The following NBPF11 variants were observed in gnomAD, a reference collection of about 807,000 sequenced individuals.
The protein encoded by NBPF11 is NBPF family member NBPF11.
NBPF11 carries 72 observed loss-of-function variants against 93.9 expected under a neutral mutation model. That is an observed-to-expected ratio of 0.77 (90% CI 0.63 to 0.93). The LOEUF (loss-of-function observed/expected upper bound fraction) is 0.93, where lower values mean the gene tolerates loss of function less well. Among genes scored for constraint, NBPF11 ranks in the 40% least tolerant of loss-of-function variants. The probability of loss-of-function intolerance (pLI) is 0.00; values close to 1 mark genes in which losing one functional copy is unlikely to be tolerated. For synonymous variants in NBPF11, 224 were observed against 304.9 expected, an observed-to-expected ratio of 0.73 and a Z score of 2.76; for missense variants, 705 against 802.2, an observed-to-expected ratio of 0.88 and a Z score of 1.46.
At chr1:148,103,937 A>G in intron 23 of NBPF11, 25 bp from the exon 24 acceptor site, 1 of 1,610,622 alleles carries the variant, frequency 6.2e-7, no homozygotes, top group Non-Finnish European at 8.5e-7. Flanking sequence ...AAAACTAAAG[A>G]AGCAGCCAGG....
rs1666177688 is a variant in NBPF11, at chr1:148,115,162, C to CGCAAAAA, written c.1585+630_1585+631insTTTTTGC. On this transcript the variant is annotated intron_variant, in intron 14 of 23. Coordinates refer to ENST00000682118, the MANE Select transcript of NBPF11 (RefSeq NM_001385469.3). ...CCTAGGTGACAGAGCAGGACTCCAT[C>CGCAAAAA]ACAAAAAAAAAAAAAAAAAAAAAAA... Among the ~76,000 whole-genome samples the CGCAAAAA allele has an allele frequency of 1.5e-3, 23 of 15,178 alleles. 4 individuals are homozygous for CGCAAAAA. Among genetic ancestry groups the CGCAAAAA allele is most frequent in the Non-Finnish European group, 1.5e-3 (16 of 10,554 alleles). The allele number at this position is 15,178 out of a possible 152,430, so 10.0% of individuals were successfully genotyped here.
Position 148,115,100 on chromosome 1 carries a change from G to A in NBPF11, c.1586-612C>T, listed in dbSNP as rs1392122398. Among the ~76,000 whole-genome samples the A allele has an allele frequency of 2.0e-4, 23 of 115,372 alleles. No individual in the cohort carries two copies. In the East Asian group the frequency reaches 2.3e-3, roughly 12 times the overall value. The allele number at this position is 115,372 out of a possible 152,430, so 75.7% of individuals were successfully genotyped here. A position where few individuals can be genotyped will look rare whatever the true frequency, so the allele number is the denominator to read the frequency against. On this transcript the variant is annotated intron_variant, in intron 14 of 23. Transcript: ENST00000682118. Reference sequence around the variant, plus strand: ...GAATCACTTGAATCTGGGAGGCAGAGGTTGCACCAAGTCAAGATGGTGCCA... The same window carrying A: ...GAATCACTTGAATCTGGGAGGCAGAAGTTGCACCAAGTCAAGATGGTGCCA...
At chr1:148,142,465 C>T in intron 2 of NBPF11, among the ~76,000 whole-genome samples, 1 of 150,994 alleles carries the variant, frequency 6.6e-6, no homozygotes, top group Non-Finnish European at 1.5e-5. Flanking sequence ...CGCAACCTTC[C>T]CTGCTGCTCC....
At chr1:148,126,349 A>G (rs1669110603) in intron 5 of NBPF11, among the ~76,000 whole-genome samples, 1 of 151,576 alleles carries the variant, frequency 6.6e-6, no homozygotes, top group South Asian at 2.1e-4. Context: ...AGGTTCTATT[A>G]GGAGCAGACT....
In NBPF11 at chr1:148,121,036, C is replaced by G. The variant is rs3992670; in HGVS notation, c.779-326G>C. ...TTTCATTTTGCTTTTTAAATTTTTT[C>G]CTTTTTTGGTTTTTTGTTTTCTGTT... On this transcript the variant is annotated intron_variant, in intron 9 of 23. Transcript: ENST00000682118. 5.3e-5 allele frequency among the ~76,000 whole-genome samples: 8 copies of G among 151,772 alleles called. No individual in the cohort carries two copies. The South Asian group carries it at 6.2e-4, about 12-fold the overall frequency.
At chr1:148,123,517 G>A (rs1668389265) in intron 7 of NBPF11, among the ~76,000 whole-genome samples, 1 of 151,834 alleles carries the variant, frequency 6.6e-6, no homozygotes, top group South Asian at 2.1e-4. Context: ...CAAAAAGACA[G>A]CCTGGGAACC....
At chr1:148,150,614 A>T (rs1204238373) in intron 1 of NBPF11, among the ~76,000 whole-genome samples, 1 of 151,848 alleles carries the variant, frequency 6.6e-6, no homozygotes, top group Non-Finnish European at 1.5e-5. Context: ...AAGATTAAAA[A>T]CCACCAGCAC....
At position 148,134,070 on chromosome 1, in the gene NBPF11, A is replaced by C. The variant is rs3992710; in HGVS notation, c.-36+1602T>G. ...GACAGCAGGGAGGGCAAATCCATGC[A>C]GCATCTCCCGCCATGACCTCCAGCC... On this transcript the variant is annotated intron_variant, in intron 4 of 23. Coordinates refer to ENST00000682118, the MANE Select transcript of NBPF11 (RefSeq NM_001385469.3). Among the ~76,000 whole-genome samples the C allele has an allele frequency of 3.1e-3, 477 of 152,132 alleles. 4 individuals are homozygous for C. The highest frequency in any genetic ancestry group is 0.011 in the African/African-American group (446 of 41,392).
intron 10 of NBPF11, among the ~76,000 whole-genome samples, chr1:148,119,416 C>T (rs1307013922): frequency 6.6e-6 from 1 of 151,954 alleles, no homozygotes; most frequent in Non-Finnish European, 1.5e-5. Flanking sequence ...CAGCAATTTA[C>T]AGAGGTAGGT....
At chr1:148,136,411 T>C (rs1671293727) in intron 3 of NBPF11, among the ~76,000 whole-genome samples, 2 of 151,778 alleles carry the variant, frequency 1.3e-5, no homozygotes, top group Admixed American at 1.3e-4. Context: ...ATGTGATACA[T>C]TCATTCCATG....
rs1285305069 is a variant in NBPF11, at chr1:148,102,310, A to T, written c.*1586T>A. 4 of 151,918 alleles carry T rather than the reference A, an allele frequency of 2.6e-5. No individual in the cohort carries two copies. The highest frequency in any genetic ancestry group is 4.4e-5 in the Non-Finnish European group (3 of 68,026). The allele number at this position is 151,918 out of a possible 1,614,324, so 9.4% of individuals were successfully genotyped here. A position where few individuals can be genotyped will look rare whatever the true frequency, so the allele number is the denominator to read the frequency against. On this transcript the variant is annotated 3_prime_UTR_variant, in exon 24 of 24. Transcript: ENST00000682118. Reference sequence around the variant, plus strand: ...CAAAATTTGCAGCGTAGAGATATGAATATAATAATAGACACAGGCAGGGAG... The same window carrying T: ...CAAAATTTGCAGCGTAGAGATATGATTATAATAATAGACACAGGCAGGGAG...
chr1:148,127,838 A>G (rs1231877654), intron 4 of NBPF11, among the ~76,000 whole-genome samples: 2 of 143,144 alleles, frequency 1.4e-5, no homozygotes, highest in Non-Finnish European at 3.1e-5. Flanking sequence ...TTGTATTTTT[A>G]GTAGAGACGG....
chr1:148,110,445 G>A lies in NBPF11; in HGVS notation c.1734C>T (p.Tyr578=). Residue 578 remains tyrosine (Y), a synonymous_variant, in exon 16 of 24, where the codon TAC becomes TAT. Coordinates refer to ENST00000682118, the MANE Select transcript of NBPF11 (RefSeq NM_001385469.3). The part of the protein sequence containing the change: ...LSIPPERLAS[Y]QSYSSTFHSL... The stretch of plus-strand genomic sequence containing the variant: ...AGTGAAATGTGCTGCTGTAAGACTG[G>A]TACGAGGCCAACCTTTCAGGAGGAA... 6.3e-7 allele frequency: 1 copy of A among 1,592,266 alleles called. No individual in the cohort carries two copies. Among genetic ancestry groups the A allele is most frequent in the Non-Finnish European group, 8.6e-7 (1 of 1,164,804 alleles).
chr1:148,139,293 T>C (rs1325570804), intron 2 of NBPF11, among the ~76,000 whole-genome samples: 13 of 146,936 alleles, frequency 8.8e-5, no homozygotes, highest in East Asian at 2.1e-4. Context: ...ACTACTATTA[T>C]GTTCCCCCGA....
chr1:148,133,663 C>G (rs1387973290), intron 4 of NBPF11, among the ~76,000 whole-genome samples: 2 of 151,552 alleles, frequency 1.3e-5, no homozygotes, highest in Non-Finnish European at 2.9e-5. Flanking sequence ...AGAGGCCGGG[C>G]ATGGTGGCTC....
chr1:148,116,308 C>T (rs1477639714), intron 13 of NBPF11, among the ~76,000 whole-genome samples, 155 bp downstream of exon 13: 2 of 152,068 alleles, frequency 1.3e-5, no homozygotes, highest in Non-Finnish European at 2.9e-5. Flanking sequence ...AACATGACAG[C>T]TGCCGCACCC....
At chr1:148,106,553 A>G (rs1265081648) in intron 20 of NBPF11, among the ~76,000 whole-genome samples, 1 of 139,358 alleles carries the variant, frequency 7.2e-6, no homozygotes, top group Non-Finnish European at 1.5e-5. Flanking sequence ...AAACTAAAGT[A>G]TTCAGCCCTG....
At chr1:148,115,248 A>G (rs1666224964) in intron 14 of NBPF11, among the ~76,000 whole-genome samples, 1 of 144,580 alleles carries the variant, frequency 6.9e-6, no homozygotes. Context: ...TTGCATTGAC[A>G]GGGTGGAGAA....
chr1:148,115,880 T>C lies in NBPF11; in HGVS notation c.1498A>G (p.Ile500Val). The stretch of plus-strand genomic sequence containing the variant: ...TCGACTTTGTCTTCCTCAAATGTGA[T>C]TTTGGTTTTTCTATGTGGCTGGTTG... Reference protein sequence around the residue: ...DSNQPHRKTKITFEEDKVDST... With the variant: ...DSNQPHRKTKVTFEEDKVDST... Residue 500 changes from isoleucine to valine, a missense_variant, in exon 14 of 24, where the codon ATC becomes GTC. Ile to Val is a conservative substitution (Grantham distance 29). Around this residue, in one of 12 missense-constraint regions of NBPF11, gnomAD observed 54 missense variants for 91.8 expected, o/e 0.59. Coordinates refer to ENST00000682118, the MANE Select transcript of NBPF11 (RefSeq NM_001385469.3). 6.3e-7 allele frequency: 1 copy of C among 1,581,754 alleles called. No individual in the cohort carries two copies. The highest frequency in any genetic ancestry group is 8.6e-7 in the Non-Finnish European group (1 of 1,162,204).
Sources: allele counts gnomAD v4.1 joint callset (sites outside exome capture counted in the v4.1 genomes callset), GRCh38; gene constraint gnomAD v4.1.1; regional missense constraint gnomAD v4.1.1; transcripts MANE v1.5; gene names NCBI Gene and HGNC (gene_info 2026-07-23, HGNC 2026-07-21).